Variants in TNFRSF18 observed in about 807,000 individuals in gnomAD.
TNFRSF18 encodes the protein tumor necrosis factor receptor superfamily member 18.
In TNFRSF18, 36 loss-of-function variants were observed where a neutral mutation model predicts 30.2. The ratio of observed to expected loss-of-function variants is 1.19; its 90% CI spans 0.91 to 1.58. The LOEUF (loss-of-function observed/expected upper bound fraction) is 1.58. Among genes scored for constraint, TNFRSF18 ranks in the 40% most tolerant of loss-of-function variants. The pLI is 0.00. For missense variants in TNFRSF18, 369 were observed against 345.4 expected, an observed-to-expected ratio of 1.07 and a Z score of -0.54; for synonymous variants, 173 against 158.3, an observed-to-expected ratio of 1.09 and a Z score of -0.70.
In TNFRSF18 at chr1:1,204,410, T is replaced by C; in HGVS notation, c.387A>G (p.Lys129=). The part of the protein sequence containing the change: ...TFSGGHEGHC[K]PWTDCTQFGF... Reference sequence around the variant, plus strand: ...CACCCAGGACTCACTCTGTCCAAGGTTTGCAGTGGCCTTCGTGGCCCCCGG... The same window carrying C: ...CACCCAGGACTCACTCTGTCCAAGGCTTGCAGTGGCCTTCGTGGCCCCCGG... Residue 129 remains lysine, a synonymous_variant, in exon 3 of 5, where the codon AAA becomes AAG. Coordinates refer to ENST00000379268, the MANE Select transcript of TNFRSF18 (RefSeq NM_004195.3). 1 of 1,612,518 alleles carries C rather than the reference T, an allele frequency of 6.2e-7. No individual in the cohort carries two copies. The highest frequency in any genetic ancestry group is 8.5e-7 in the Non-Finnish European group (1 of 1,179,878).
intron 1 of TNFRSF18, 150 bp from the exon 2 acceptor site, chr1:1,205,642 C>G (rs977068696): frequency 3.8e-6 from 3 of 798,042 alleles, no homozygotes; most frequent in Non-Finnish European, 5.9e-6. Flanking sequence ...GGAGTCTGGA[C>G]CCTGGGTTTA....
At chr1:1,205,644 CTGGGTTTA>C (rs1648787347) in intron 1 of TNFRSF18, 152 bp from the exon 2 acceptor site, 1 of 778,412 alleles carries the variant, frequency 1.3e-6, no homozygotes, top group African/African-American at 1.8e-5. Context: ...AGTCTGGACC[CTGGGTTTA>C]TCCAGCTGTC....
Position 1,204,161 on chromosome 1 carries a change from C to T in TNFRSF18, c.474G>A (p.Pro158=), listed in dbSNP as rs770780871. The T allele has an allele frequency of 1.1e-5, 18 of 1,611,974 alleles. No homozygotes were observed. The highest frequency in any genetic ancestry group is 1.4e-5 in the Non-Finnish European group (16 of 1,179,698). The part of the protein sequence containing the change: ...THNAVCVPGS[P]PAEPLGWLTV... ...TCAGCCACCCAAGCGGCTCTGCCGGCGGGGACCCTGGGACGCACACAGCGT... is the reference window on the plus strand; with the variant it reads ...TCAGCCACCCAAGCGGCTCTGCCGGTGGGGACCCTGGGACGCACACAGCGT... The change falls in exon 4 of 5, where the codon CCG becomes CCA. Residue 158 remains proline (P), a synonymous_variant. Coordinates refer to ENST00000379268, the MANE Select transcript of TNFRSF18 (RefSeq NM_004195.3).
rs747884343 is a variant in TNFRSF18 at position 1,206,555 on chromosome 1, G to A, written c.17C>T (p.Ala6Val). The A allele has an allele frequency of 1.6e-5, 24 of 1,513,516 alleles. No homozygotes were observed. The highest frequency in any genetic ancestry group is 1.3e-4 in the Admixed American group (6 of 44,646). 93.8% of individuals were successfully genotyped at this position (1,513,516 alleles called of 1,614,324 possible). Reference sequence around the variant, plus strand: ...GCACAGGGCCCGAAACGCGCCCATCGCCCCGTGCTGTGCCATGCTCGGGTT... The same window carrying A: ...GCACAGGGCCCGAAACGCGCCCATCACCCCGTGCTGTGCCATGCTCGGGTT... MAQHG[A>V]MGAFRALCGL... The change falls in exon 1 of 5, where the codon GCG (alanine) becomes GTG (valine). Residue 6 changes from alanine to valine, a missense_variant. Physicochemically the swap from Ala to Val is moderately conservative, Grantham distance 64. Transcript: ENST00000379268.
chr1:1,204,747 G>A (rs1165180527), intron 2 of TNFRSF18, among the ~76,000 whole-genome samples: 2 of 152,190 alleles, frequency 1.3e-5, no homozygotes, highest in Non-Finnish European at 2.9e-5. Context: ...GCCAGGGAGG[G>A]GAAAGGCCTG....
chr1:1,205,069 C>T (rs2100939806), intron 2 of TNFRSF18, among the ~76,000 whole-genome samples: 1 of 152,304 alleles, frequency 6.6e-6, no homozygotes, highest in South Asian at 2.1e-4. Flanking sequence ...TGAGGACAGA[C>T]AGGATGGGTG....
At chr1:1,205,544 C>G in intron 1 of TNFRSF18, 52 bp from the exon 2 acceptor site, 2 of 1,581,362 alleles carry the variant, frequency 1.3e-6, no homozygotes, top group Non-Finnish European at 1.7e-6. Flanking sequence ...GCCCCCTCCT[C>G]CCCAGGCCTC....
chr1:1,204,604 C>T, intron 2 of TNFRSF18, 118 bp from the exon 3 acceptor site: 1 of 745,808 alleles, frequency 1.3e-6, no homozygotes. Flanking sequence ...AGTAGAATGC[C>T]CCCCCCATCA....
rs150308365 is a variant in TNFRSF18, at chr1:1,205,385, C to A, written c.295G>T (p.Gly99Trp). 2.9e-5 allele frequency: 47 copies of A among 1,612,276 alleles called. No homozygotes were observed. The African/African-American group carries it at 3.7e-4, about 13-fold the overall frequency. The change falls in exon 2 of 5, where the codon GGG (glycine) becomes TGG (tryptophan). Residue 99 changes from glycine (G) to tryptophan (W), a missense_variant. Physicochemically the swap from Gly to Trp is radical, Grantham distance 184 (BLOSUM62 -2). Transcript: ENST00000379268. ...CAGGACTTACCCTGGGACTGTACCC[C>A]CTGGCCTGGGGGACAAGGGTGGTGC... is the stretch of plus-strand genomic sequence containing the variant. ...CRHHPCPPGQ[G>W]VQSQGKFSFG...
In TNFRSF18 at chr1:1,206,566, T is replaced by C; in HGVS notation, c.6A>G (p.Ala2=). 6.7e-7 allele frequency: 1 copy of C among 1,498,630 alleles called. No homozygotes were observed. Among genetic ancestry groups the C allele is most frequent in the Non-Finnish European group, 8.9e-7 (1 of 1,129,220 alleles). 92.8% of individuals were successfully genotyped at this position (1,498,630 alleles called of 1,614,324 possible). The change falls in exon 1 of 5, where the codon GCA becomes GCG. Residue 2 remains alanine (A), a synonymous_variant. Coordinates refer to ENST00000379268, the MANE Select transcript of TNFRSF18 (RefSeq NM_004195.3). ...GAAACGCGCCCATCGCCCCGTGCTG[T>C]GCCATGCTCGGGTTTCAAGAGCCCA... is the stretch of plus-strand genomic sequence containing the variant. The part of the protein sequence containing the change: M[A]QHGAMGAFRA...
chr1:1,205,298 C>A (rs915088112), intron 2 of TNFRSF18, 72 bp downstream of exon 2: 2 of 1,559,746 alleles, frequency 1.3e-6, no homozygotes, highest in African/African-American at 1.4e-5. Flanking sequence ...CACCTGTGCC[C>A]ACGAGCTCTG....
chr1:1,206,274 T>G, intron 1 of TNFRSF18, 111 bp downstream of exon 1: 1 of 1,272,074 alleles, frequency 7.9e-7, no homozygotes, highest in Non-Finnish European at 1.1e-6. Context: ...GTGCCCACCC[T>G]CCTTAGACCT....
chr1:1,203,606 A>C lies in TNFRSF18; in HGVS notation c.*238T>G. The C allele has an allele frequency of 6.6e-7, 1 of 1,524,488 alleles. No homozygotes were observed. Among genetic ancestry groups the C allele is most frequent in the Non-Finnish European group, 8.7e-7 (1 of 1,144,970 alleles). The allele number at this position is 1,524,488 out of a possible 1,614,324, so 94.4% of individuals were successfully genotyped here. The stretch of plus-strand genomic sequence containing the variant: ...GCCTCCCGTCCTAAGACCCCACCCC[A>C]TCAGGGCCAGCAAGGGAGGAAGGGG... On this transcript the variant is annotated 3_prime_UTR_variant, in exon 5 of 5. Coordinates refer to ENST00000379268, the MANE Select transcript of TNFRSF18 (RefSeq NM_004195.3).
Position 1,206,480 on chromosome 1 carries a change from C to T in TNFRSF18, c.92G>A (p.Gly31Asp), listed in dbSNP as rs1570457359. 1.1e-5 allele frequency: 17 copies of T among 1,546,262 alleles called. No individual in the cohort carries two copies. The highest frequency in any genetic ancestry group is 1.5e-5 in the Non-Finnish European group (17 of 1,145,726). ...ALSLGQRPTG[G>D]PGCGPGRLLL... Reference sequence around the variant, plus strand: ...GAGGCGCCCAGGGCCGCACCCGGGACCCCCGGTGGGGCGCTGACCCAGGCT... The same window carrying T: ...GAGGCGCCCAGGGCCGCACCCGGGATCCCCGGTGGGGCGCTGACCCAGGCT... The change falls in exon 1 of 5, where the codon GGT (glycine) becomes GAT (aspartate). Residue 31 changes from glycine to aspartate, a missense_variant. Transcript: ENST00000379268.
rs1648839952 is a variant in TNFRSF18, at chr1:1,206,453, A to T, written c.119T>A (p.Leu40Gln). Residue 40 changes from leucine (L) to glutamine (Q), a missense_variant, in exon 1 of 5, where the codon CTG becomes CAG. Leu to Gln is a moderately radical substitution (Grantham distance 113). Coordinates refer to ENST00000379268, the MANE Select transcript of TNFRSF18 (RefSeq NM_004195.3). ...GGPGCGPGRL[L>Q]LGTGTDARCC... ...GCGCGCGTCCGTTCCCGTCCCAAGCAGGAGGCGCCCAGGGCCGCACCCGGG... is the reference window on the plus strand; with the variant it reads ...GCGCGCGTCCGTTCCCGTCCCAAGCTGGAGGCGCCCAGGGCCGCACCCGGG... 6.5e-7 allele frequency: 1 copy of T among 1,547,360 alleles called. No homozygotes were observed. The highest frequency in any genetic ancestry group is 8.7e-7 in the Non-Finnish European group (1 of 1,146,220).
Position 1,206,358 on chromosome 1 carries a change from C to T in TNFRSF18, c.187+27G>A, listed in dbSNP as rs201288125. On this transcript the variant is annotated intron_variant, in intron 1 of 4. Coordinates refer to ENST00000379268, the MANE Select transcript of TNFRSF18 (RefSeq NM_004195.3). Reference sequence around the variant, plus strand: ...CTTCCGCGGGACGCCTTGGCCGGTCCGCGTTAAGTAAACGCGGTTTACTTA... The same window carrying T: ...CTTCCGCGGGACGCCTTGGCCGGTCTGCGTTAAGTAAACGCGGTTTACTTA... 2.5e-3 allele frequency: 3,823 copies of T among 1,543,226 alleles called. 3 individuals are homozygous for T. Among genetic ancestry groups the T allele is most frequent in the Admixed American group, 3.2e-3 (163 of 50,494 alleles).
rs1159210450 is a variant in TNFRSF18, at chr1:1,204,125, G to A, written c.510C>T (p.Leu170=). ...AEPLGWLTVV[L]LAVAACVLLL... The stretch of plus-strand genomic sequence containing the variant: ...GGAGGACGCAGGCGGCCACGGCCAG[G>A]AGGACGACGGTCAGCCACCCAAGCG... Residue 170 remains leucine, a synonymous_variant, in exon 4 of 5, where the codon CTC becomes CTT. Transcript: ENST00000379268. 3 of 1,611,562 alleles carry A rather than the reference G, an allele frequency of 1.9e-6. No individual in the cohort carries two copies. Among genetic ancestry groups the A allele is most frequent in the South Asian group, 2.2e-5 (2 of 90,872 alleles).
Position 1,203,952 on chromosome 1 carries a change from C to T in TNFRSF18, c.618G>A (p.Leu206=), listed in dbSNP as rs182076881. Residue 206 remains leucine, a synonymous_variant, in exon 5 of 5, where the codon CTG becomes CTA. Coordinates refer to ENST00000379268, the MANE Select transcript of TNFRSF18 (RefSeq NM_004195.3). Reference sequence around the variant, plus strand: ...CGTCTTCGGTCGACGGCGGCACCTCCAGCAGCAGCTGGGTCTCTGCAGGGG... The same window carrying T: ...CGTCTTCGGTCGACGGCGGCACCTCTAGCAGCAGCTGGGTCTCTGCAGGGG... ...CMWPRETQLL[L]EVPPSTEDAR... is the part of the protein sequence containing the mutation. The T allele has an allele frequency of 1.1e-5, 17 of 1,607,210 alleles. No homozygotes were observed. Among genetic ancestry groups the T allele is most frequent in the East Asian group, 2.2e-5 (1 of 44,842 alleles).
chr1:1,205,810 G>A (rs535309710), intron 1 of TNFRSF18: 13 of 347,630 alleles, frequency 3.7e-5, no homozygotes, highest in Admixed American at 1.8e-4. Context: ...CTGGAGGCCC[G>A]TCGACACCTC....
Sources: allele counts gnomAD v4.1 joint callset (sites outside exome capture counted in the v4.1 genomes callset), GRCh38; gene constraint gnomAD v4.1.1; transcripts MANE v1.5; gene names NCBI Gene and HGNC (gene_info 2026-07-23, HGNC 2026-07-21).